The following PECAM1 variants were observed in gnomAD, a reference collection of about 807,000 sequenced individuals.
PECAM1 encodes platelet and endothelial cell adhesion molecule 1.
PECAM1 carries 8 observed loss-of-function variants against 13.8 expected under a neutral mutation model. That is an observed-to-expected ratio of 0.58 (90% CI 0.34 to 1.05). The LOEUF is 1.05. Ranked by LOEUF, PECAM1 falls within the 50% of genes least tolerant of loss-of-function variation. The probability of loss-of-function intolerance (pLI) is 0.03; values close to 1 mark genes in which losing one functional copy is unlikely to be tolerated. For synonymous variants in PECAM1, 136 were observed against 52.6 expected (o/e 2.58, Z -6.86); for missense variants, 304 against 141.2 (o/e 2.15, Z -5.84).
intron 9 of PECAM1, 34 bp from the exon 10 acceptor site, chr17:64,353,552 A>G: frequency 2.2e-6 from 1 of 464,090 alleles, no homozygotes. Context: ...CAAAGTCAGT[A>G]TACAGTACCC....
At chr17:64,340,971 C>CCTGTAATTCCAG (rs1236111542) in intron 14 of PECAM1, among the ~76,000 whole-genome samples, 2 of 152,108 alleles carry the variant, frequency 1.3e-5, no homozygotes, top group African/African-American at 2.4e-5. Context: ...GTGGCACATG[C>CCTGTAATTCCAG]CTGTAATTCC....
At chr17:64,326,100 T>C (rs1340307549) in intron 15 of PECAM1, among the ~76,000 whole-genome samples, 1 of 151,978 alleles carries the variant, frequency 6.6e-6, no homozygotes, top group Non-Finnish European at 1.5e-5. Flanking sequence ...TTTTGACAAA[T>C]GGAAGGAGCC....
chr17:64,373,148 A>AAATAAATAAATAAATAAATAAAT (rs1598045725), intron 4 of PECAM1, among the ~76,000 whole-genome samples: 1 of 139,316 alleles, frequency 7.2e-6, no homozygotes, highest in Non-Finnish European at 1.5e-5. Flanking sequence ...AATAAATAAA[A>AAATAAATAAATAAATAAATAAAT]AAAAAAGAAA....
At chr17:64,371,231 T>C (rs2036230267) in intron 4 of PECAM1, among the ~76,000 whole-genome samples, 1 of 152,070 alleles carries the variant, frequency 6.6e-6, no homozygotes, top group Non-Finnish European at 1.5e-5. Context: ...ATCACAAAAC[T>C]GAGGCGCCAT....
chr17:64,386,053 G>A (rs2036586110), intron 2 of PECAM1, among the ~76,000 whole-genome samples: 2 of 152,214 alleles, frequency 1.3e-5, no homozygotes, highest in Middle Eastern at 3.2e-3. Flanking sequence ...GCCTGAGCTA[G>A]GCGGGTGCAG....
chr17:64,385,284 A>T (rs2036568894), intron 2 of PECAM1, among the ~76,000 whole-genome samples: 1 of 152,174 alleles, frequency 6.6e-6, no homozygotes, highest in Non-Finnish European at 1.5e-5. Flanking sequence ...CCAACATGCT[A>T]AAAACAGTGG....
At position 64,320,211 on chromosome 17, in the gene PECAM1, C is replaced by A. The variant is rs1287794316; in HGVS notation, c.*3605G>T. ...GTGGAGAGTCTTAAAAACAGCTGTG[C>A]TGGGGAGAGTTCTTGGTGTGTACCT... is the stretch of plus-strand genomic sequence containing the variant. On this transcript the variant is annotated 3_prime_UTR_variant, in exon 16 of 16. Transcript: ENST00000563924. 1.3e-5 allele frequency: 2 copies of A among 152,222 alleles called. No individual in the cohort carries two copies. The highest frequency in any genetic ancestry group is 1.3e-4 in the Admixed American group (2 of 15,268). 9.4% of individuals were successfully genotyped at this position (152,222 alleles called of 1,614,324 possible).
chr17:64,353,421 C>T, intron 10 of PECAM1, 70 bp downstream of exon 10: 1 of 434,294 alleles, frequency 2.3e-6, no homozygotes, highest in Non-Finnish European at 4.2e-6. Context: ...TTCCTAATGA[C>T]CAGAATCTCC....
At chr17:64,329,756 C>T (rs149652999) in intron 14 of PECAM1, 34 bp from the exon 15 acceptor site, 180 of 760,890 alleles carry the variant, frequency 2.4e-4, no homozygotes, top group African/African-American at 2.0e-3. Context: ...CAGTGAGCAA[C>T]GCAAATAACC....
intron 14 of PECAM1, among the ~76,000 whole-genome samples, chr17:64,339,358 G>C (rs1224727861): frequency 6.6e-6 from 1 of 152,098 alleles, no homozygotes; most frequent in Non-Finnish European, 1.5e-5. Flanking sequence ...AATGGGATTT[G>C]TGGTGAATCC....
Position 64,374,255 on chromosome 17 carries a change from C to T in PECAM1, c.691+796G>A, listed in dbSNP as rs919618081. ...CTGTAATCCTAGCACTTTAGGAGGC[C>T]GAGGTGAGTAGATCATCTGAGGTTA... On this transcript the variant is annotated intron_variant, in intron 4 of 15. Coordinates refer to ENST00000563924, the MANE Select transcript of PECAM1 (RefSeq NM_000442.5). Among the ~76,000 whole-genome samples the T allele has an allele frequency of 2.1e-3, 317 of 152,136 alleles. 2 individuals are homozygous for T. The highest frequency in any genetic ancestry group is 7.4e-3 in the African/African-American group (307 of 41,518).
intron 11 of PECAM1, among the ~76,000 whole-genome samples, chr17:64,350,993 C>T (rs2035709327): frequency 6.6e-6 from 1 of 152,166 alleles, no homozygotes; most frequent in Admixed American, 6.6e-5. Context: ...TCTCCTGCCT[C>T]AGCCTGCTGA....
chr17:64,362,709 C>T (rs1386783524), intron 6 of PECAM1, among the ~76,000 whole-genome samples: 1 of 151,584 alleles, frequency 6.6e-6, no homozygotes, highest in African/African-American at 2.4e-5. Flanking sequence ...AAAAATTAGG[C>T]AGACATGGTG....
rs200778991 is a variant in PECAM1, at chr17:64,343,331, C to T, written c.2108-1641G>A. On this transcript the variant is annotated intron_variant, in intron 13 of 15. Coordinates refer to ENST00000563924, the MANE Select transcript of PECAM1 (RefSeq NM_000442.5). ...TCTCCTTGCCCCATTTCCCCACGAC[C>T]CTGGTGGAGCTTCACGCATGTACCA... Among the ~76,000 whole-genome samples the T allele has an allele frequency of 4.7e-4, 72 of 152,146 alleles. 1 individual carries two copies. The East Asian group carries it at 7.4e-3, about 16-fold the overall frequency.
intron 8 of PECAM1, 106 bp from the exon 9 acceptor site, chr17:64,355,146 G>A (rs2035818377): frequency 2.4e-6 from 1 of 408,904 alleles, no homozygotes; most frequent in African/African-American, 2.1e-5. Context: ...GATTCTCACA[G>A]CTCTTGTAAC....
intron 5 of PECAM1, among the ~76,000 whole-genome samples, chr17:64,367,727 A>G (rs1159855798): frequency 6.6e-6 from 1 of 152,164 alleles, no homozygotes; most frequent in Non-Finnish European, 1.5e-5. Context: ...AATTCTTCAT[A>G]GGTAAAACCG....
At chr17:64,361,160 T>TGTGTGTG (rs2035968097) in intron 6 of PECAM1, among the ~76,000 whole-genome samples, 8 of 148,162 alleles carry the variant, frequency 5.4e-5, no homozygotes, top group South Asian at 2.2e-4. Flanking sequence ...TGTGTGTGTG[T>TGTGTGTG]TCTGAGACCG....
intron 13 of PECAM1, among the ~76,000 whole-genome samples, chr17:64,342,022 G>C (rs923127731): frequency 1.3e-5 from 2 of 151,934 alleles, no homozygotes; most frequent in Admixed American, 6.6e-5. Flanking sequence ...ATGGTGGTGC[G>C]TGCCTGTGAT....
chr17:64,336,968 GAAGAAA>G (rs1357943816), intron 14 of PECAM1, among the ~76,000 whole-genome samples: 1 of 150,982 alleles, frequency 6.6e-6, no homozygotes, highest in Admixed American at 6.6e-5. Context: ...GGAAAGAAAG[GAAGAAA>G]AAGAAAAAGA....
Sources: gnomAD v4.1 joint callset for allele counts (sites outside exome capture counted in the v4.1 genomes callset) on GRCh38, gnomAD v4.1.1 for gene constraint, MANE v1.5 for transcripts, NCBI Gene and HGNC (gene_info 2026-07-23, HGNC 2026-07-21) for gene names.